The following SIAH3 variants were observed in gnomAD, a reference collection of about 807,000 sequenced individuals.
SIAH3 encodes seven in absentia homolog 3.
Under a neutral mutation model 12.6 loss-of-function variants are expected in SIAH3, and 9 were observed. That is an observed-to-expected ratio of 0.72 (90% CI 0.43 to 1.25). The LOEUF (loss-of-function observed/expected upper bound fraction) is 1.25. Ranked by LOEUF, SIAH3 falls within the 50% of genes most tolerant of loss-of-function variation. The pLI, the probability that SIAH3 is intolerant of heterozygous loss-of-function variation, is 0.00. For synonymous variants in SIAH3, 154 were observed against 151.1 expected, an observed-to-expected ratio of 1.02 and a Z score of -0.14; for missense variants, 390 against 365.4, an observed-to-expected ratio of 1.07 and a Z score of -0.55.
intron 1 of SIAH3, among the ~76,000 whole-genome samples, chr13:45,806,823 A>G (rs2137561392): frequency 6.6e-6 from 1 of 152,220 alleles, no homozygotes; most frequent in Non-Finnish European, 1.5e-5. Context: ...GTAGACTGAC[A>G]TTTTTAGTGG....
intron 1 of SIAH3, among the ~76,000 whole-genome samples, chr13:45,826,438 T>C: frequency 1.4e-5 from 1 of 72,912 alleles, no homozygotes; most frequent in East Asian, 5.8e-4. Flanking sequence ...GATGAATGGA[T>C]GCATGGATGG....
Position 45,841,491 on chromosome 13 carries a change from T to C in SIAH3, c.135+10004A>G, listed in dbSNP as rs75061870. Among the ~76,000 whole-genome samples, 744 of 152,322 alleles carry C rather than the reference T, an allele frequency of 4.9e-3. 10 individuals are homozygous for C. The highest frequency in any genetic ancestry group is 0.04 in the East Asian group (208 of 5,182). ...GCTGTTTCCAGTGCTGTGCCACAGC[T>C]GGAAACAGCCCTGCAATGAGCAGTG... On this transcript the variant is annotated intron_variant, in intron 1 of 1. Coordinates refer to ENST00000400405, the MANE Select transcript of SIAH3 (RefSeq NM_198849.3).
At chr13:45,841,158 G>A (rs1232746918) in intron 1 of SIAH3, among the ~76,000 whole-genome samples, 1 of 152,184 alleles carries the variant, frequency 6.6e-6, no homozygotes, top group African/African-American at 2.4e-5. Flanking sequence ...GGAACCCAGG[G>A]TTCCAAGTGG....
intron 1 of SIAH3, among the ~76,000 whole-genome samples, chr13:45,811,137 T>C (rs1420101927): frequency 6.6e-6 from 1 of 152,170 alleles, no homozygotes; most frequent in East Asian, 1.9e-4. Flanking sequence ...AATAATAGGG[T>C]GATTTCAAGA....
intron 1 of SIAH3, among the ~76,000 whole-genome samples, chr13:45,837,024 C>T (rs1344231101): frequency 6.6e-6 from 1 of 152,154 alleles, no homozygotes; most frequent in Non-Finnish European, 1.5e-5. Flanking sequence ...CTAGTGCCAG[C>T]CCCATGCCTC....
chr13:45,842,488 T>C (rs1950743625), intron 1 of SIAH3, among the ~76,000 whole-genome samples: 1 of 152,074 alleles, frequency 6.6e-6, no homozygotes, highest in Non-Finnish European at 1.5e-5. Context: ...TAGCTGACAC[T>C]ACAGGTGTGG....
At chr13:45,811,715 T>C (rs775485870) in intron 1 of SIAH3, among the ~76,000 whole-genome samples, 1 of 152,250 alleles carries the variant, frequency 6.6e-6, no homozygotes, top group Non-Finnish European at 1.5e-5. Context: ...GATCCTAGCG[T>C]TCTGAAGTCA....
chr13:45,799,155 C>T (rs1950573039), intron 1 of SIAH3, among the ~76,000 whole-genome samples: 1 of 152,172 alleles, frequency 6.6e-6, no homozygotes, highest in African/African-American at 2.4e-5. Context: ...AATTTCCCTG[C>T]ATTGACTAAG....
chr13:45,801,100 G>GGC (rs1555257365), intron 1 of SIAH3, among the ~76,000 whole-genome samples: 50 of 144,552 alleles, frequency 3.5e-4, no homozygotes, highest in East Asian at 9.8e-4. Flanking sequence ...GGTGGCGGGG[G>GGC]GGGGCATGGC....
chr13:45,816,654 G>A (rs544745785), intron 1 of SIAH3, among the ~76,000 whole-genome samples: 35 of 152,296 alleles, frequency 2.3e-4, no homozygotes, highest in African/African-American at 7.0e-4. Context: ...TTGCTGCTGC[G>A]CTCAGGCTGC....
chr13:45,836,431 A>G (rs748420278), intron 1 of SIAH3, among the ~76,000 whole-genome samples: 1 of 152,160 alleles, frequency 6.6e-6, no homozygotes, highest in African/African-American at 2.4e-5. Context: ...GTTGGAAGCC[A>G]CTATATTATC....
At position 45,778,236 on chromosome 13, in the gene SIAH3, A is replaced by G. The variant is rs996912285; in HGVS notation, c.*5147T>C. On this transcript the variant is annotated 3_prime_UTR_variant, in exon 2 of 2. Transcript: ENST00000400405. ...TAGATATTTCCAATTTCTAATTTCAAAGTAAAACATTTCTTTAGGTTTTGG... is the reference window on the plus strand; with the variant it reads ...TAGATATTTCCAATTTCTAATTTCAGAGTAAAACATTTCTTTAGGTTTTGG... The G allele has an allele frequency of 6.6e-6, 1 of 152,244 alleles. No homozygotes were observed. The allele number at this position is 152,244 out of a possible 1,614,324, so 9.4% of individuals were successfully genotyped here.
chr13:45,843,016 A>T (rs547148173), intron 1 of SIAH3, among the ~76,000 whole-genome samples: 524 of 68,438 alleles, frequency 7.7e-3, no homozygotes, highest in Non-Finnish European at 0.013. Context: ...AATTGCCATT[A>T]TTTCTCTCTC....
chr13:45,824,375 C>G (rs747109136), intron 1 of SIAH3, among the ~76,000 whole-genome samples: 10 of 152,206 alleles, frequency 6.6e-5, no homozygotes, highest in Admixed American at 6.5e-5. Flanking sequence ...GACCTGCCCC[C>G]CTTGCTGCTG....
chr13:45,783,789 A>G lies in SIAH3; in HGVS notation c.404T>C (p.Ile135Thr). The stretch of plus-strand genomic sequence containing the variant: ...GAAGACGATCTCGGCTCCCTGGAGG[A>G]TGTCAACCCTATGGATCTGCCGCAG... ...PHLRQIHRVD[I>T]LQGAEIVFLA... Residue 135 changes from isoleucine to threonine, a missense_variant, in exon 2 of 2, where the codon ATC becomes ACC. Transcript: ENST00000400405. 1 of 1,614,140 alleles carries G rather than the reference A, an allele frequency of 6.2e-7. No individual in the cohort carries two copies. The highest frequency in any genetic ancestry group is 8.5e-7 in the Non-Finnish European group (1 of 1,180,034).
intron 1 of SIAH3, among the ~76,000 whole-genome samples, chr13:45,845,641 T>G (rs1950756755): frequency 6.6e-6 from 1 of 152,252 alleles, no homozygotes; most frequent in East Asian, 1.9e-4. Context: ...TTTATTGTGT[T>G]AAGTGGCCTG....
At chr13:45,838,666 C>CT (rs1950727836) in intron 1 of SIAH3, among the ~76,000 whole-genome samples, 1 of 152,106 alleles carries the variant, frequency 6.6e-6, no homozygotes, top group South Asian at 2.1e-4. Flanking sequence ...CCTTTTCATT[C>CT]CTTCCATTCC....
At chr13:45,820,469 C>T (rs982502454) in intron 1 of SIAH3, among the ~76,000 whole-genome samples, 5 of 152,042 alleles carry the variant, frequency 3.3e-5, no homozygotes, top group South Asian at 2.1e-4. Flanking sequence ...CTGGTCTTCC[C>T]GACTGTTTAA....
intron 1 of SIAH3, among the ~76,000 whole-genome samples, chr13:45,843,034 C>CGTGTGTGTGTG (rs1555260000): frequency 7.2e-6 from 1 of 139,188 alleles, no homozygotes; most frequent in African/African-American, 2.7e-5. Context: ...CTCTCTCTCT[C>CGTGTGTGTGTG]TGTGTGTGTG....
Sources: gnomAD v4.1 joint callset for allele counts (sites outside exome capture counted in the v4.1 genomes callset) on GRCh38, gnomAD v4.1.1 for gene constraint, MANE v1.5 for transcripts, NCBI Gene and HGNC (gene_info 2026-07-23, HGNC 2026-07-21) for gene names.